KCNT2: variants seen among roughly 807,000 people sequenced by gnomAD.
The protein encoded by KCNT2 is potassium sodium-activated channel subfamily T member 2.
Under a neutral mutation model 153.8 loss-of-function variants are expected in KCNT2, and 67 were observed. The observed-to-expected ratio is 0.44, with a 90% CI of 0.36 to 0.53. The LOEUF (loss-of-function observed/expected upper bound fraction) is 0.53, where lower values mean the gene tolerates loss of function less well. Among genes scored for constraint, KCNT2 ranks in the 20% least tolerant of loss-of-function variants. The probability of loss-of-function intolerance (pLI) is 0.00; values close to 1 mark genes in which losing one functional copy is unlikely to be tolerated. For missense variants in KCNT2, 975 were observed against 1,354.8 expected, an observed-to-expected ratio of 0.72 and a Z score of 4.40; for synonymous variants, 500 against 458.8, an observed-to-expected ratio of 1.09 and a Z score of -1.15.
At chr1:196,425,436 C>A (rs999095318) in intron 11 of KCNT2, among the ~76,000 whole-genome samples, 3 of 151,964 alleles carry the variant, frequency 2.0e-5, no homozygotes, top group Admixed American at 6.6e-5. Flanking sequence ...AATGTAAACC[C>A]TAACTCACAC....
chr1:196,491,969 C>T (rs1200759460), intron 2 of KCNT2, among the ~76,000 whole-genome samples: 3 of 151,868 alleles, frequency 2.0e-5, no homozygotes, highest in African/African-American at 7.3e-5. Flanking sequence ...AATTATTTTC[C>T]TCAATGTTTA....
At chr1:196,501,103 G>A (rs1680663091) in intron 1 of KCNT2, among the ~76,000 whole-genome samples, 1 of 152,166 alleles carries the variant, frequency 6.6e-6, no homozygotes, top group Non-Finnish European at 1.5e-5. Flanking sequence ...ACCACTGGGA[G>A]GAATGTAAGT....
chr1:196,558,048 T>C (rs1411772742), intron 1 of KCNT2, among the ~76,000 whole-genome samples: 1 of 151,412 alleles, frequency 6.6e-6, no homozygotes. Flanking sequence ...TGTTACAAAT[T>C]AGCATCATGC....
intron 1 of KCNT2, among the ~76,000 whole-genome samples, chr1:196,496,135 C>T (rs1448374707): frequency 6.6e-6 from 1 of 151,946 alleles, no homozygotes; most frequent in Non-Finnish European, 1.5e-5. Context: ...ACAGTAAGAC[C>T]TCACTTAATG....
chr1:196,546,755 C>T (rs554573045), intron 1 of KCNT2, among the ~76,000 whole-genome samples: 2 of 151,852 alleles, frequency 1.3e-5, no homozygotes, highest in South Asian at 4.2e-4. Flanking sequence ...CAAGTAAAAT[C>T]AGAAAGTCAA....
At chr1:196,425,714 G>A (rs763006803) in intron 11 of KCNT2, 138 bp downstream of exon 11, 3 of 787,884 alleles carry the variant, frequency 3.8e-6, no homozygotes, top group Non-Finnish European at 6.3e-6. Flanking sequence ...GGCCAGCAGA[G>A]GGACTAAGGC....
At chr1:196,472,659 C>CT (rs1254061881) in intron 5 of KCNT2, among the ~76,000 whole-genome samples, 1 of 152,168 alleles carries the variant, frequency 6.6e-6, no homozygotes, top group Non-Finnish European at 1.5e-5. Context: ...TGTTCCCTGA[C>CT]TTATCTCCCA....
chr1:196,606,126 C>G (rs942721244), intron 1 of KCNT2, among the ~76,000 whole-genome samples: 22 of 152,158 alleles, frequency 1.4e-4, no homozygotes, highest in African/African-American at 4.6e-4. Context: ...TACTTATTTC[C>G]AACTAAATGT....
chr1:196,602,269 T>TA (rs1276157306), intron 1 of KCNT2, among the ~76,000 whole-genome samples: 3 of 152,182 alleles, frequency 2.0e-5, no homozygotes, highest in Admixed American at 6.5e-5. Context: ...CGTTTTACTG[T>TA]AAAAAATATT....
intron 14 of KCNT2, among the ~76,000 whole-genome samples, chr1:196,349,167 G>A (rs1477746859): frequency 6.6e-6 from 1 of 152,088 alleles, no homozygotes; most frequent in Non-Finnish European, 1.5e-5. Flanking sequence ...AAAAGGAAAG[G>A]ATATTGGAAG....
intron 14 of KCNT2, among the ~76,000 whole-genome samples, chr1:196,372,879 C>A (rs370401153): frequency 6.6e-6 from 1 of 151,784 alleles, no homozygotes; most frequent in Non-Finnish European, 1.5e-5. Flanking sequence ...CAAATGATGC[C>A]GGCACTTAGA....
intron 14 of KCNT2, among the ~76,000 whole-genome samples, chr1:196,364,663 T>C (rs1432558364): frequency 6.6e-6 from 1 of 152,140 alleles, no homozygotes; most frequent in Non-Finnish European, 1.5e-5. Flanking sequence ...TAATGAAATC[T>C]TGAAAGCTAA....
chr1:196,288,528 G>A lies in KCNT2; in HGVS notation c.2596-2770C>T, dbSNP rs908859840. ...GTGGAAAATGGCTTGTGAATGAGGA[G>A]GTGGCATGGGAAAATTGAGCAAGAT... is the stretch of plus-strand genomic sequence containing the variant. On this transcript the variant is annotated intron_variant, in intron 22 of 27. Transcript: ENST00000294725. 4.6e-5 allele frequency among the ~76,000 whole-genome samples: 7 copies of A among 152,054 alleles called. No homozygotes were observed. In the South Asian group the frequency reaches 1.0e-3, roughly 22 times the overall value.
chr1:196,316,061 A>T (rs1354177051), intron 20 of KCNT2, 35 bp from the exon 21 acceptor site: 1 of 1,589,546 alleles, frequency 6.3e-7, no homozygotes, highest in Admixed American at 1.7e-5. Flanking sequence ...AACAAACATT[A>T]AATAAATCAC....
chr1:196,336,294 G>C (rs1665026120), intron 16 of KCNT2, among the ~76,000 whole-genome samples: 1 of 151,804 alleles, frequency 6.6e-6, no homozygotes, highest in South Asian at 2.1e-4. Flanking sequence ...ATTATTACTT[G>C]CTGCACATCA....
At chr1:196,488,954 G>A (rs1470518978) in intron 3 of KCNT2, among the ~76,000 whole-genome samples, 3 of 151,974 alleles carry the variant, frequency 2.0e-5, no homozygotes, top group Non-Finnish European at 2.9e-5. Flanking sequence ...AGCCAGAGTG[G>A]AACTGGGCTA....
chr1:196,283,071 T>A (rs1195096039), intron 23 of KCNT2, among the ~76,000 whole-genome samples: 2 of 152,214 alleles, frequency 1.3e-5, no homozygotes, highest in Non-Finnish European at 1.5e-5. Flanking sequence ...CTAGAACTCC[T>A]GGCCTCAAGT....
intron 25 of KCNT2, among the ~76,000 whole-genome samples, chr1:196,272,817 C>A (rs1232352971): frequency 6.6e-6 from 1 of 151,766 alleles, no homozygotes; most frequent in Non-Finnish European, 1.5e-5. Context: ...TGGTGGTTAC[C>A]AATGGCCAGA....
Position 196,333,987 on chromosome 1 carries a change from C to T in KCNT2, c.1857G>A (p.Glu619=), listed in dbSNP as rs116401401. The T allele has an allele frequency of 8.5e-4, 1,373 of 1,613,296 alleles. 10 individuals are homozygous for T. In the African/African-American group the frequency reaches 0.016, roughly 18 times the overall value. The change falls in exon 17 of 28, where the codon GAG becomes GAA. Residue 619 remains glutamate, a synonymous_variant. Transcript: ENST00000294725. ...ASGPTLSLPT[E]GSKEIRRPSI... ...TAGGTCTTCTTATTTCTTTGCTTCC[C>T]TCTGTAGGAAGAGACAGGGTAGGGC...
Sources: allele counts gnomAD v4.1 joint callset (sites outside exome capture counted in the v4.1 genomes callset), GRCh38; gene constraint gnomAD v4.1.1; transcripts MANE v1.5; gene names NCBI Gene and HGNC (gene_info 2026-07-23, HGNC 2026-07-21).